The following KCNH7 variants were observed in gnomAD, a reference collection of about 807,000 sequenced individuals.
KCNH7 encodes voltage-gated inwardly rectifying potassium channel KCNH7.
KCNH7 carries 49 observed loss-of-function variants against 120.8 expected under a neutral mutation model. The observed-to-expected ratio is 0.41, with a 90% CI of 0.32 to 0.51. KCNH7 has a LOEUF of 0.51. KCNH7 is among the 20% of genes least tolerant of loss of function. KCNH7 has a pLI of 0.38. For synonymous variants in KCNH7, 547 were observed against 516.1 expected, an observed-to-expected ratio of 1.06 and a Z score of -0.81; for missense variants, 1,097 against 1,446.6, an observed-to-expected ratio of 0.76 and a Z score of 3.92.
At chr2:162,529,327 T>C (rs992008009) in intron 3 of KCNH7, among the ~76,000 whole-genome samples, 2 of 151,852 alleles carry the variant, frequency 1.3e-5, no homozygotes, top group Admixed American at 1.3e-4. Flanking sequence ...GGTACTGAAA[T>C]AGCTGTTACA....
intron 12 of KCNH7, among the ~76,000 whole-genome samples, chr2:162,391,131 G>C (rs746189761): frequency 6.6e-6 from 1 of 151,942 alleles, no homozygotes; most frequent in Non-Finnish European, 1.5e-5. Context: ...CTGATTTACA[G>C]GCAACAGCAC....
chr2:162,619,243 C>G (rs941505939), intron 2 of KCNH7, among the ~76,000 whole-genome samples: 1 of 151,896 alleles, frequency 6.6e-6, no homozygotes, highest in African/African-American at 2.4e-5. Flanking sequence ...TAAGATGTGT[C>G]CCCCAAAATA....
intron 13 of KCNH7, 103 bp downstream of exon 13, chr2:162,384,585 A>G: frequency 8.9e-7 from 1 of 1,119,496 alleles, no homozygotes; most frequent in Non-Finnish European, 1.3e-6. Flanking sequence ...GAAGTTGAGA[A>G]CAATTAGATT....
At chr2:162,507,165 A>G (rs1017633671) in intron 5 of KCNH7, among the ~76,000 whole-genome samples, 4 of 151,852 alleles carry the variant, frequency 2.6e-5, no homozygotes, top group African/African-American at 9.6e-5. Context: ...ACTTAGAGCT[A>G]CACTCCTCAT....
At chr2:162,703,155 AT>A in intron 2 of KCNH7, among the ~76,000 whole-genome samples, 1 of 152,276 alleles carries the variant, frequency 6.6e-6, no homozygotes, top group East Asian at 1.9e-4. Flanking sequence ...GAGATAAATC[AT>A]AATAGTTAAT....
chr2:162,742,116 T>C (rs1688158511), intron 2 of KCNH7, among the ~76,000 whole-genome samples: 1 of 152,150 alleles, frequency 6.6e-6, no homozygotes, highest in African/African-American at 2.4e-5. Flanking sequence ...TCTCTAGATA[T>C]TTGCCTTGTT....
At chr2:162,681,256 A>C (rs1023943920) in intron 2 of KCNH7, among the ~76,000 whole-genome samples, 2 of 151,766 alleles carry the variant, frequency 1.3e-5, no homozygotes, top group Admixed American at 6.6e-5. Flanking sequence ...AAAAAAAAGC[A>C]GTGTATGTCA....
intron 2 of KCNH7, among the ~76,000 whole-genome samples, chr2:162,615,844 A>G (rs1172573284): frequency 1.3e-5 from 2 of 152,216 alleles, no homozygotes; most frequent in Admixed American, 6.5e-5. Context: ...GCAGAAATGT[A>G]CTAATGATCC....
intron 2 of KCNH7, among the ~76,000 whole-genome samples, chr2:162,649,843 C>T (rs943706427): frequency 1.3e-5 from 2 of 152,114 alleles, no homozygotes; most frequent in Admixed American, 1.3e-4. Flanking sequence ...TTCATATATA[C>T]AACTAAGCAG....
At chr2:162,674,584 G>C (rs1443269877) in intron 2 of KCNH7, among the ~76,000 whole-genome samples, 1 of 151,644 alleles carries the variant, frequency 6.6e-6, no homozygotes. Context: ...CTATCCAAGA[G>C]ATATCAATAT....
chr2:162,787,168 A>G (rs1442967849), intron 2 of KCNH7, among the ~76,000 whole-genome samples: 1 of 152,106 alleles, frequency 6.6e-6, no homozygotes, highest in African/African-American at 2.4e-5. Flanking sequence ...GGGCAGTCCC[A>G]GTCTCCAGGC....
intron 7 of KCNH7, among the ~76,000 whole-genome samples, chr2:162,444,787 A>G (rs918160): frequency 1 from 152,077 of 152,290 alleles, 75,932 homozygotes; most frequent in Non-Finnish European, 1. Context: ...TAATAAAGAA[A>G]TATTTCACTC....
intron 6 of KCNH7, among the ~76,000 whole-genome samples, chr2:162,503,192 T>C (rs1690747785): frequency 6.6e-6 from 1 of 152,068 alleles, no homozygotes; most frequent in South Asian, 2.1e-4. Flanking sequence ...CTGATCCTAA[T>C]ATTTCCAACT....
chr2:162,664,617 C>T (rs1685072879), intron 2 of KCNH7, among the ~76,000 whole-genome samples: 1 of 151,988 alleles, frequency 6.6e-6, no homozygotes. Context: ...GAAGGAGAGA[C>T]AGAGAAAGTA....
At chr2:162,672,849 C>T (rs937446987) in intron 2 of KCNH7, among the ~76,000 whole-genome samples, 2 of 151,646 alleles carry the variant, frequency 1.3e-5, no homozygotes, top group African/African-American at 2.4e-5. Flanking sequence ...AAAGAACACA[C>T]CAATAAACAA....
chr2:162,774,317 A>G (rs1487752583), intron 2 of KCNH7, among the ~76,000 whole-genome samples: 1 of 152,126 alleles, frequency 6.6e-6, no homozygotes, highest in Non-Finnish European at 1.5e-5. Context: ...TGCTTTTATA[A>G]TGATTAGCAA....
intron 2 of KCNH7, among the ~76,000 whole-genome samples, chr2:162,666,775 C>A (rs1685146802): frequency 6.6e-6 from 1 of 152,152 alleles, no homozygotes; most frequent in African/African-American, 2.4e-5. Context: ...ATGTCAGCAA[C>A]AAGCTGCTGA....
At chr2:162,739,173 T>G (rs886729419) in intron 2 of KCNH7, among the ~76,000 whole-genome samples, 2 of 152,052 alleles carry the variant, frequency 1.3e-5, no homozygotes, top group Non-Finnish European at 2.9e-5. Flanking sequence ...TGGTGCCCAT[T>G]TTCAATTACT....
At chr2:162,706,965 T>G (rs900837990) in intron 2 of KCNH7, among the ~76,000 whole-genome samples, 14 of 152,108 alleles carry the variant, frequency 9.2e-5, no homozygotes, top group Non-Finnish European at 1.8e-4. Context: ...AAGGGCTATC[T>G]CCGGTTTCAT....
Sources: allele counts gnomAD v4.1 joint callset (sites outside exome capture counted in the v4.1 genomes callset), GRCh38; gene constraint gnomAD v4.1.1; transcripts MANE v1.5; gene names NCBI Gene and HGNC (gene_info 2026-07-23, HGNC 2026-07-21).